The following RANBP2 variants were observed in gnomAD, a reference collection of about 807,000 sequenced individuals.
RANBP2 encodes RAN binding protein 2, also known as E3 SUMO-protein ligase RanBP2.
Under a neutral mutation model 303.6 loss-of-function variants are expected in RANBP2, and 57 were observed. The observed-to-expected ratio is 0.19, with a 90% confidence interval of 0.15 to 0.23. RANBP2 has a LOEUF of 0.23. Among genes scored for constraint, RANBP2 ranks in the 10% least tolerant of loss-of-function variants. The pLI is 1.00. For synonymous variants in RANBP2, 1,167 were observed against 1,301.5 expected (o/e 0.90, Z 2.23); for missense variants, 3,138 against 3,780.8 (o/e 0.83, Z 4.46).
the RANBP2 span, chr2:108,815,934 C>A: frequency 6.3e-7 from 1 of 1,592,078 alleles, no homozygotes; most frequent in Non-Finnish European, 8.5e-7. Flanking sequence ...TAATTTTTGA[C>A]ATATAGGTAC....
At chr2:109,434,796 G>T in the RANBP2 span, among the ~76,000 whole-genome samples, 1 of 152,350 alleles carries the variant, frequency 6.6e-6, no homozygotes, top group Non-Finnish European at 1.5e-5. Flanking sequence ...CTCCAGCCTT[G>T]TTTACCTGGC....
In RANBP2 at chr2:108,766,489, G is replaced by A. The variant is rs375852855; in HGVS notation, c.5950G>A (p.Gly1984Ser). 214 of 1,611,836 alleles carry A rather than the reference G, an allele frequency of 1.3e-4. No individual in the cohort carries two copies. In the African/African-American group the frequency reaches 2.5e-3, roughly 19 times the overall value. The change falls in exon 20 of 29, where the codon GGT becomes AGT. Residue 1984 changes from glycine (G) to serine (S), a missense_variant. Gly to Ser is a moderately conservative substitution (Grantham distance 56). Transcript: ENST00000283195. ...AGEKLFSSQYGKMANKANTSG... is the reference protein window; with the variant it reads ...AGEKLFSSQYSKMANKANTSG... ...AGAAAAATTATTCTCATCACAATAC[G>A]GTAAAATGGCCAATAAAGCAAACAC...
At chr2:109,564,133 T>A in the RANBP2 span, 3 of 384,378 alleles carry the variant, frequency 7.8e-6, no homozygotes, top group Non-Finnish European at 9.1e-6. Flanking sequence ...CCATACATTC[T>A]TCATCATATT....
intron 2 of RANBP2, among the ~76,000 whole-genome samples, chr2:108,730,501 A>G (rs1217449798): frequency 6.6e-6 from 1 of 152,280 alleles, no homozygotes; most frequent in Non-Finnish European, 1.5e-5. Flanking sequence ...AGCAATTTAT[A>G]TGTTCATTTC....
the RANBP2 span, among the ~76,000 whole-genome samples, chr2:108,991,360 C>T: frequency 4.0e-4 from 61 of 152,278 alleles, no homozygotes; most frequent in Non-Finnish European, 2.6e-4. Context: ...TCCTAAGAGA[C>T]TGAGGCAGAA....
At chr2:108,798,312 A>G in the RANBP2 span, 1 of 1,025,564 alleles carries the variant, frequency 9.8e-7, no homozygotes, top group Non-Finnish European at 1.4e-6. Flanking sequence ...GATTGTCCTT[A>G]GGTACCCCTG....
At chr2:109,409,295 C>T in the RANBP2 span, among the ~76,000 whole-genome samples, 1 of 152,192 alleles carries the variant, frequency 6.6e-6, no homozygotes, top group African/African-American at 2.4e-5. Context: ...GGGCAGCAAA[C>T]GTTCTAAAGG....
the RANBP2 span, among the ~76,000 whole-genome samples, chr2:109,627,684 C>A: frequency 6.6e-6 from 1 of 152,238 alleles, no homozygotes; most frequent in Admixed American, 6.5e-5. Context: ...ACAAGGGTGA[C>A]ACTCTCCTGA....
the RANBP2 span, among the ~76,000 whole-genome samples, chr2:109,336,398 C>A: frequency 6.6e-6 from 1 of 152,216 alleles, no homozygotes; most frequent in Non-Finnish European, 1.5e-5. Flanking sequence ...TGGATTGACT[C>A]ACTAGCATGC....
At chr2:109,424,970 A>G in the RANBP2 span, among the ~76,000 whole-genome samples, 1 of 152,266 alleles carries the variant, frequency 6.6e-6, no homozygotes, top group African/African-American at 2.4e-5. Context: ...TGTGCCAAAC[A>G]GTTATCTAAG....
chr2:109,732,892 A>G, the RANBP2 span: 1 of 954,844 alleles, frequency 1.0e-6, no homozygotes, highest in Non-Finnish European at 1.7e-6. Context: ...TGGTCTGAGA[A>G]CTAGATGGAA....
At chr2:109,119,759 A>T in the RANBP2 span, among the ~76,000 whole-genome samples, 1 of 152,244 alleles carries the variant, frequency 6.6e-6, no homozygotes, top group Non-Finnish European at 1.5e-5. Context: ...AAACAGAGAC[A>T]ACTGCAGGAT....
chr2:108,758,056 G>T (rs1676448743), intron 17 of RANBP2, among the ~76,000 whole-genome samples: 1 of 152,118 alleles, frequency 6.6e-6, no homozygotes. Context: ...CCAGCACTTT[G>T]GGAGGCTGAG....
chr2:109,219,361 A>G, the RANBP2 span, among the ~76,000 whole-genome samples: 1 of 152,202 alleles, frequency 6.6e-6, no homozygotes, highest in Non-Finnish European at 1.5e-5. Context: ...AAAAATTTTC[A>G]CCATCACTTA....
At chr2:109,484,551 C>T in the RANBP2 span, among the ~76,000 whole-genome samples, 1 of 152,216 alleles carries the variant, frequency 6.6e-6, no homozygotes, top group Non-Finnish European at 1.5e-5. Flanking sequence ...CCCGCCCCCT[C>T]CTGTGGAGTT....
the RANBP2 span, among the ~76,000 whole-genome samples, chr2:109,130,727 C>T: frequency 2.6e-5 from 4 of 152,198 alleles, no homozygotes; most frequent in Non-Finnish European, 4.4e-5. Flanking sequence ...TTCTCCTGGG[C>T]TCCCAGGCAG....
At chr2:109,468,855 GAAAAAAAAAAA>G in the RANBP2 span, among the ~76,000 whole-genome samples, 14 of 64,868 alleles carry the variant, frequency 2.2e-4, no homozygotes, top group Non-Finnish European at 3.5e-4. Flanking sequence ...CTCTGTCTCA[GAAAAAAAAAAA>G]AAAAAAAAAA....
chr2:109,385,571 A>G, the RANBP2 span, among the ~76,000 whole-genome samples: 1 of 152,248 alleles, frequency 6.6e-6, no homozygotes, highest in Non-Finnish European at 1.5e-5. Flanking sequence ...GTCCAGGGCA[A>G]AGGAGCCTGT....
the RANBP2 span, among the ~76,000 whole-genome samples, chr2:109,441,546 A>G: frequency 2.6e-5 from 4 of 152,370 alleles, no homozygotes; most frequent in East Asian, 7.7e-4. Context: ...GGAATCCGTG[A>G]GCAATGGGAC....
Sources: gnomAD v4.1 joint callset for allele counts (sites outside exome capture counted in the v4.1 genomes callset) on GRCh38, gnomAD v4.1.1 for gene constraint, MANE v1.5 for transcripts, NCBI Gene and HGNC (gene_info 2026-07-23, HGNC 2026-07-21) for gene names.